Variants in ERC2 observed in about 807,000 individuals in gnomAD.
The protein encoded by ERC2 is ELKS/RAB6-interacting/CAST family member 2, also known as ERC protein 2.
In ERC2, 42 loss-of-function variants were observed where a neutral mutation model predicts 114.8. That is an observed-to-expected ratio of 0.37 (90% confidence interval 0.29 to 0.47). ERC2 has a LOEUF of 0.47. Among genes scored for constraint, ERC2 ranks in the 20% least tolerant of loss-of-function variants. ERC2 has a pLI of 0.99. For missense variants in ERC2, 939 were observed against 1,150.7 expected (o/e 0.82, Z 2.66); for synonymous variants, 454 against 425.5 (o/e 1.07, Z -0.82).
At chr3:56,158,632 G>T (rs2081872685) in intron 4 of ERC2, among the ~76,000 whole-genome samples, 1 of 151,888 alleles carries the variant, frequency 6.6e-6, no homozygotes, top group South Asian at 2.1e-4. Flanking sequence ...TCCCAGATGG[G>T]AAAGCTGAAG....
chr3:55,908,481 C>T (rs2064599634), intron 13 of ERC2, among the ~76,000 whole-genome samples: 1 of 151,954 alleles, frequency 6.6e-6, no homozygotes, highest in South Asian at 2.1e-4. Flanking sequence ...TGAGAGTGAA[C>T]AGAGGAGGAA....
intron 1 of ERC2, among the ~76,000 whole-genome samples, chr3:56,461,856 T>G (rs1210543930): frequency 6.6e-6 from 1 of 152,160 alleles, no homozygotes; most frequent in Non-Finnish European, 1.5e-5. Flanking sequence ...TTTTAACAGC[T>G]GAAAAACATT....
chr3:56,278,912 C>T (rs569328817), intron 3 of ERC2, among the ~76,000 whole-genome samples: 1 of 152,174 alleles, frequency 6.6e-6, no homozygotes, highest in Non-Finnish European at 1.5e-5. Context: ...AAACACTTCC[C>T]ACTATGCCCC....
At chr3:55,868,808 G>C (rs1369065366) in intron 14 of ERC2, among the ~76,000 whole-genome samples, 1 of 152,068 alleles carries the variant, frequency 6.6e-6, no homozygotes, top group African/African-American at 2.4e-5. Context: ...TTCAAGTATT[G>C]AAATAAGAAA....
Position 56,170,967 on chromosome 3 carries a change from G to C in ERC2, c.1149+2479C>G, listed in dbSNP as rs867217062. Among the ~76,000 whole-genome samples, 4 of 151,894 alleles carry C rather than the reference G, an allele frequency of 2.6e-5. No individual in the cohort carries two copies. The South Asian group carries it at 8.3e-4, about 32-fold the overall frequency. On this transcript the variant is annotated intron_variant, in intron 4 of 17. Coordinates refer to ENST00000288221, the MANE Select transcript of ERC2 (RefSeq NM_015576.3). The stretch of plus-strand genomic sequence containing the variant: ...TTTTTAGTAGAGACGGGGTTTCACC[G>C]TGTTAGTCAGGATGGTCTCATCTCC...
chr3:56,218,463 T>A (rs2049655936), intron 3 of ERC2, among the ~76,000 whole-genome samples: 1 of 152,174 alleles, frequency 6.6e-6, no homozygotes, highest in Admixed American at 6.5e-5. Context: ...CCAGTTAGAA[T>A]GGCGATCATT....
intron 3 of ERC2, among the ~76,000 whole-genome samples, chr3:56,222,791 T>A (rs1247762886): frequency 6.6e-6 from 1 of 152,242 alleles, no homozygotes; most frequent in Non-Finnish European, 1.5e-5. Context: ...CATAGTCATC[T>A]TGTTTCTATG....
At chr3:55,511,638 C>T (rs368286207) in intron 17 of ERC2, among the ~76,000 whole-genome samples, 69 of 152,258 alleles carry the variant, frequency 4.5e-4, no homozygotes, top group South Asian at 8.3e-4. Flanking sequence ...ATTCTCTCTA[C>T]GCTTTTCTAC....
intron 7 of ERC2, among the ~76,000 whole-genome samples, chr3:56,037,626 A>C (rs1426240569): frequency 6.6e-6 from 1 of 152,198 alleles, no homozygotes; most frequent in Non-Finnish European, 1.5e-5. Flanking sequence ...TGGAAAACAT[A>C]CTTCAGGATA....
At chr3:56,125,849 T>C (rs1176511377) in intron 6 of ERC2, among the ~76,000 whole-genome samples, 2 of 152,192 alleles carry the variant, frequency 1.3e-5, no homozygotes, top group Admixed American at 1.3e-4. Flanking sequence ...AGTCCCAAGG[T>C]AGGTGGGAGA....
intron 3 of ERC2, among the ~76,000 whole-genome samples, chr3:56,231,666 A>G (rs2150178213): frequency 6.6e-6 from 1 of 152,334 alleles, no homozygotes; most frequent in Middle Eastern, 3.4e-3. Flanking sequence ...TCTGCACTGA[A>G]CATATTCCTC....
intron 3 of ERC2, among the ~76,000 whole-genome samples, chr3:56,256,040 A>G (rs982908193): frequency 6.6e-6 from 1 of 152,232 alleles, no homozygotes; most frequent in African/African-American, 2.4e-5. Flanking sequence ...CTCTACAAGG[A>G]CAAGAAAAAT....
At chr3:55,939,684 C>T (rs1384826500) in intron 13 of ERC2, among the ~76,000 whole-genome samples, 1 of 152,218 alleles carries the variant, frequency 6.6e-6, no homozygotes, top group Non-Finnish European at 1.5e-5. Flanking sequence ...TCCCACAGCT[C>T]ACTATGACCT....
chr3:56,189,362 T>C (rs900424165), intron 3 of ERC2, among the ~76,000 whole-genome samples: 1 of 152,198 alleles, frequency 6.6e-6, no homozygotes, highest in Non-Finnish European at 1.5e-5. Flanking sequence ...TGGTGACTCT[T>C]CTGTGGAAAA....
At chr3:55,886,684 G>T (rs973170213) in intron 14 of ERC2, among the ~76,000 whole-genome samples, 2 of 151,852 alleles carry the variant, frequency 1.3e-5, no homozygotes, top group Admixed American at 1.3e-4. Context: ...AATTTTTCTG[G>T]GTGTCATTTA....
rs869073962 is a variant in ERC2, at chr3:55,891,437, ATTTTTTTTTTTTT to A, written c.2404-2901_2404-2889del. Among the ~76,000 whole-genome samples the A allele has an allele frequency of 7.4e-4, 64 of 86,958 alleles. 1 individual carries two copies. Among genetic ancestry groups the A allele is most frequent in the Admixed American group, 1.1e-3 (9 of 8,080 alleles). 57.0% of individuals were successfully genotyped at this position (86,958 alleles called of 152,430 possible). ...CTTCACTGGTGAACTGTCTGGTTCT[ATTTTTTTTTTTTT>A]TTTTTTTTTTTTTTTGAGCTGGAGT... On this transcript the variant is annotated intron_variant, in intron 13 of 17. Transcript: ENST00000288221.
intron 14 of ERC2, among the ~76,000 whole-genome samples, chr3:55,840,570 A>G (rs548567426): frequency 6.6e-6 from 1 of 151,988 alleles, no homozygotes; most frequent in Non-Finnish European, 1.5e-5. Flanking sequence ...AAAACAGTCA[A>G]CGATTTCTTG....
chr3:55,561,199 A>G (rs2055994523), intron 17 of ERC2, among the ~76,000 whole-genome samples: 1 of 151,994 alleles, frequency 6.6e-6, no homozygotes, highest in African/African-American at 2.4e-5. Flanking sequence ...ACTTTGGGCT[A>G]GAAATCAGAC....
intron 3 of ERC2, among the ~76,000 whole-genome samples, chr3:56,283,028 C>T (rs980239757): frequency 3.3e-5 from 5 of 152,202 alleles, no homozygotes; most frequent in Admixed American, 6.5e-5. Context: ...GAAGTCCCCA[C>T]GGTCAGCACA....
Sources: gnomAD v4.1 joint callset for allele counts (sites outside exome capture counted in the v4.1 genomes callset) on GRCh38, gnomAD v4.1.1 for gene constraint, MANE v1.5 for transcripts, NCBI Gene and HGNC (gene_info 2026-07-23, HGNC 2026-07-21) for gene names.